The following TMEM163 variants were observed in gnomAD, a reference collection of about 807,000 sequenced individuals.
The protein encoded by TMEM163 is transmembrane protein 163.
A neutral mutation model predicts 29.3 loss-of-function variants in TMEM163; 17 were observed. That is an observed-to-expected ratio of 0.58 (90% CI 0.40 to 0.87). TMEM163 has a LOEUF of 0.87. TMEM163 is among the 40% of genes least tolerant of loss of function. TMEM163 has a pLI of 0.00. For missense variants in TMEM163, 303 were observed against 381.5 expected, an observed-to-expected ratio of 0.79 and a Z score of 1.71; for synonymous variants, 157 against 160.6, an observed-to-expected ratio of 0.98 and a Z score of 0.17.
At chr2:134,698,979 A>G (rs1684637935) in intron 2 of TMEM163, among the ~76,000 whole-genome samples, 1 of 152,194 alleles carries the variant, frequency 6.6e-6, no homozygotes, top group Non-Finnish European at 1.5e-5. Context: ...TCTTTAAACT[A>G]AAGGGTAACA....
At chr2:134,507,833 G>T (rs1353194862) in intron 4 of TMEM163, among the ~76,000 whole-genome samples, 1 of 151,962 alleles carries the variant, frequency 6.6e-6, no homozygotes, top group Non-Finnish European at 1.5e-5. Flanking sequence ...CTGCAGTCTG[G>T]GTGATGGAGA....
intron 2 of TMEM163, among the ~76,000 whole-genome samples, chr2:134,577,729 G>A (rs544843521): frequency 3.2e-4 from 40 of 126,900 alleles, no homozygotes; most frequent in Admixed American, 7.5e-4. Context: ...GGGAGCCTCC[G>A]TGCCCACCAG....
intron 4 of TMEM163, among the ~76,000 whole-genome samples, chr2:134,536,510 CTAGCGGCA>C (rs964728631): frequency 6.6e-6 from 1 of 152,140 alleles, no homozygotes; most frequent in African/African-American, 2.4e-5. Flanking sequence ...GCTCTGGAGG[CTAGCGGCA>C]CAGGGCATGA....
At chr2:134,463,507 T>C (rs1406550711) in intron 6 of TMEM163, among the ~76,000 whole-genome samples, 1 of 152,118 alleles carries the variant, frequency 6.6e-6, no homozygotes, top group Non-Finnish European at 1.5e-5. Context: ...GACAATGTAT[T>C]AGGGTCAACT....
At chr2:134,574,329 C>T (rs559575952) in intron 2 of TMEM163, among the ~76,000 whole-genome samples, 8 of 152,254 alleles carry the variant, frequency 5.3e-5, no homozygotes, top group African/African-American at 1.9e-4. Flanking sequence ...GGAGGCTGAG[C>T]CAGGCAGGAT....
intron 4 of TMEM163, among the ~76,000 whole-genome samples, chr2:134,533,852 C>A (rs1291474673): frequency 1.3e-5 from 2 of 152,164 alleles, no homozygotes; most frequent in Non-Finnish European, 2.9e-5. Context: ...CTGGTCTCAC[C>A]TCAGGCCCTT....
chr2:134,575,977 G>A (rs1681546246), intron 2 of TMEM163, among the ~76,000 whole-genome samples: 1 of 152,094 alleles, frequency 6.6e-6, no homozygotes, highest in African/African-American at 2.4e-5. Flanking sequence ...AAGAAACTGG[G>A]CAAAGATGGG....
intron 2 of TMEM163, among the ~76,000 whole-genome samples, chr2:134,599,926 T>C (rs968022280): frequency 3.3e-5 from 5 of 151,120 alleles, no homozygotes; most frequent in Admixed American, 6.6e-5. Flanking sequence ...CCTACACACA[T>C]ATATACACAC....
chr2:134,477,797 T>C (rs1470386137), intron 5 of TMEM163, among the ~76,000 whole-genome samples: 3 of 152,204 alleles, frequency 2.0e-5, no homozygotes. Context: ...ATGGACCTCA[T>C]AGCACTTTTC....
intron 2 of TMEM163, among the ~76,000 whole-genome samples, chr2:134,665,278 A>G (rs1683849772): frequency 6.6e-6 from 1 of 152,182 alleles, no homozygotes; most frequent in Non-Finnish European, 1.5e-5. Flanking sequence ...AGGCCTGACA[A>G]TCATGGCAGA....
At chr2:134,572,916 T>C (rs1348727738) in intron 2 of TMEM163, among the ~76,000 whole-genome samples, 1 of 152,226 alleles carries the variant, frequency 6.6e-6, no homozygotes, top group African/African-American at 2.4e-5. Context: ...ATACGCATCC[T>C]CTTTTAAATA....
intron 2 of TMEM163, among the ~76,000 whole-genome samples, chr2:134,656,028 G>T (rs1188306369): frequency 6.9e-6 from 1 of 145,336 alleles, no homozygotes; most frequent in Non-Finnish European, 1.5e-5. Context: ...CCCCAGAGGT[G>T]GAGCCTACAG....
chr2:134,578,557 G>A lies in TMEM163; in HGVS notation c.323-26466C>T, dbSNP rs1026528265. 5.3e-5 allele frequency among the ~76,000 whole-genome samples: 8 copies of A among 152,162 alleles called. No homozygotes were observed. The East Asian group carries it at 5.8e-4, about 11-fold the overall frequency. ...CAGCCATTTGGAAAGATTGGATAAC[G>A]AAGAGCAAAAGGCATTGGACAACCT... On this transcript the variant is annotated intron_variant, in intron 2 of 7. Transcript: ENST00000281924.
At position 134,659,351 on chromosome 2, in the gene TMEM163, A is replaced by T. The variant is rs1191127089; in HGVS notation, c.322+53849T>A. ...AAAAAGAATTAGGAAAACAGGGTTT[A>T]AAGTCTGAGAGTCCAAGAAGACTCA... is the stretch of plus-strand genomic sequence containing the variant. On this transcript the variant is annotated intron_variant, in intron 2 of 7. Transcript: ENST00000281924. Among the ~76,000 whole-genome samples the T allele has an allele frequency of 2.0e-5, 3 of 152,234 alleles. No individual in the cohort carries two copies. The East Asian group carries it at 5.8e-4, about 29-fold the overall frequency.
chr2:134,466,943 G>A (rs1396554481), intron 5 of TMEM163: 1 of 152,166 alleles, frequency 6.6e-6, no homozygotes, highest in African/African-American at 2.4e-5. Context: ...ACCCCCAAGA[G>A]ACACAGCCTT....
At chr2:134,656,669 T>C (rs1161432035) in intron 2 of TMEM163, among the ~76,000 whole-genome samples, 1 of 152,208 alleles carries the variant, frequency 6.6e-6, no homozygotes. Flanking sequence ...CTTGTCTTGT[T>C]CCAGTTCTCA....
chr2:134,514,165 AG>A (rs1558929387), intron 4 of TMEM163, among the ~76,000 whole-genome samples: 1 of 152,144 alleles, frequency 6.6e-6, no homozygotes, highest in African/African-American at 2.4e-5. Context: ...CAACATGTGG[AG>A]GGGGGCTATG....
intron 4 of TMEM163, among the ~76,000 whole-genome samples, chr2:134,510,659 A>G (rs910411765): frequency 6.6e-6 from 1 of 152,156 alleles, no homozygotes; most frequent in African/African-American, 2.4e-5. Context: ...CCCAATTTTG[A>G]GACTGGACAC....
intron 2 of TMEM163, among the ~76,000 whole-genome samples, chr2:134,615,312 A>G (rs1042875453): frequency 1.3e-5 from 2 of 152,246 alleles, no homozygotes; most frequent in African/African-American, 4.8e-5. Flanking sequence ...GGTAAAGCCT[A>G]GGTGGAAGAA....
Sources: gnomAD v4.1 joint callset for allele counts (sites outside exome capture counted in the v4.1 genomes callset) on GRCh38, gnomAD v4.1.1 for gene constraint, MANE v1.5 for transcripts, NCBI Gene and HGNC (gene_info 2026-07-23, HGNC 2026-07-21) for gene names.